Variants in OLFM1 observed in about 807,000 individuals in gnomAD.
OLFM1 encodes noelin.
Under a neutral mutation model 49.7 loss-of-function variants are expected in OLFM1, and 9 were observed. That is an observed-to-expected ratio of 0.18 (90% CI 0.11 to 0.32). The LOEUF (loss-of-function observed/expected upper bound fraction) is 0.32, where lower values mean the gene tolerates loss of function less well. Ranked by LOEUF, OLFM1 falls within the 10% of genes least tolerant of loss-of-function variation. The pLI is 1.00. For synonymous variants in OLFM1, 240 were observed against 271.8 expected (o/e 0.88, Z 1.15); for missense variants, 369 against 661.8 (o/e 0.56, Z 4.85).
At chr9:135,081,986 C>T (rs1830539042) in intron 1 of OLFM1, among the ~76,000 whole-genome samples, 2 of 152,222 alleles carry the variant, frequency 1.3e-5, no homozygotes, top group South Asian at 4.1e-4. Context: ...TGTGGCTGCT[C>T]ACCTGGAGAA....
chr9:135,091,444 T>G (rs1240825582), intron 2 of OLFM1, among the ~76,000 whole-genome samples: 1 of 141,380 alleles, frequency 7.1e-6, no homozygotes, highest in Non-Finnish European at 1.5e-5. Flanking sequence ...CACTCACACA[T>G]AGTCACACAC....
intron 1 of OLFM1, among the ~76,000 whole-genome samples, chr9:135,078,051 C>T (rs769096348): frequency 6.6e-6 from 1 of 152,142 alleles, no homozygotes; most frequent in East Asian, 1.9e-4. Flanking sequence ...GGGGGCAGGA[C>T]CAGCCTGCTC....
upstream of OLFM1, chr9:135,087,552 G>A (rs529784951): frequency 2.5e-6 from 3 of 1,195,916 alleles, no homozygotes; most frequent in Non-Finnish European, 3.3e-6. Flanking sequence ...CCAGGGGGCG[G>A]CGGGGAGCCG....
chr9:135,120,523 A>G lies in OLFM1; in HGVS notation c.*345A>G, dbSNP rs1831172656. 1 of 292,176 alleles carries G rather than the reference A, an allele frequency of 3.4e-6. No individual in the cohort carries two copies. Among genetic ancestry groups the G allele is most frequent in the East Asian group, 8.1e-5 (1 of 12,338 alleles). 18.1% of individuals were successfully genotyped at this position (292,176 alleles called of 1,614,324 possible). A position where few individuals can be genotyped will look rare whatever the true frequency, so the allele number is the denominator to read the frequency against. On this transcript the variant is annotated 3_prime_UTR_variant, in exon 6 of 6. Transcript: ENST00000371793. Reference sequence around the variant, plus strand: ...GGGAAAAACCCACTGTTAGGATGGCATGAACATTTCCTTAGATCGTGGTCA... The same window carrying G: ...GGGAAAAACCCACTGTTAGGATGGCGTGAACATTTCCTTAGATCGTGGTCA...
At position 135,080,097 on chromosome 9, in the gene OLFM1, T is replaced by G. The variant is rs1830513758; in HGVS notation, c.96+4295T>G. On this transcript the variant is annotated intron_variant, in intron 1 of 5. Transcript: ENST00000252854. This position sits in a 1 kb window ranked among gnomAD's most constrained non-coding sequence, Gnocchi z 4.5. ...CCAGTGAGGCCCATCCCTCTGAATC[T>G]GTTCCTCATCCCCCCATTTAGCTCA... 6.8e-6 allele frequency among the ~76,000 whole-genome samples: 1 copy of G among 147,532 alleles called. No individual in the cohort carries two copies. The highest frequency in any genetic ancestry group is 1.5e-5 in the Non-Finnish European group (1 of 67,008).
At position 135,093,692 on chromosome 9, in the gene OLFM1, G is replaced by T. The variant is rs568940977; in HGVS notation, c.301-2172G>T. ...CCTGAGCCTGCCAGTTGGCTCCTCA[G>T]AGACACATCCTGCAGGCAAGAAAAT... On this transcript the variant is annotated intron_variant, in intron 2 of 5. Coordinates refer to ENST00000371793, the MANE Select transcript of OLFM1 (RefSeq NM_001282611.2). 2.0e-5 allele frequency among the ~76,000 whole-genome samples: 3 copies of T among 152,276 alleles called. No homozygotes were observed. The East Asian group carries it at 5.8e-4, about 29-fold the overall frequency.
At chr9:135,077,150 GCACACACACA>G in intron 1 of OLFM1, 1 of 1,509,072 alleles carries the variant, frequency 6.6e-7, no homozygotes, top group Non-Finnish European at 8.9e-7. Flanking sequence ...TCATTCATGT[GCACACACACA>G]CACACACATG....
chr9:135,119,558 A>G lies in OLFM1; in HGVS notation c.838A>G (p.Met280Val), dbSNP rs1228215031. The G allele has an allele frequency of 6.2e-7, 1 of 1,614,070 alleles. No homozygotes were observed. Among genetic ancestry groups the G allele is most frequent in the Non-Finnish European group, 8.5e-7 (1 of 1,180,002 alleles). The change falls in exon 6 of 6, where the codon ATG becomes GTG. Residue 280 changes from methionine (M) to valine (V), a missense_variant. Physicochemically the swap from Met to Val is conservative, Grantham distance 21. This residue lies in a region of OLFM1 where 294 missense variants were observed against 567.5 expected (regional missense o/e 0.52). Coordinates refer to ENST00000371793, the MANE Select transcript of OLFM1 (RefSeq NM_001282611.2). ...NNRFVREYKS[M>V]VDFMNTDNFT... The stretch of plus-strand genomic sequence containing the variant: ...CCGCTTCGTACGTGAGTACAAGTCC[A>G]TGGTTGACTTCATGAACACGGACAA...
Position 135,120,421 on chromosome 9 carries a change from T to G in OLFM1, c.*243T>G. On this transcript the variant is annotated 3_prime_UTR_variant, in exon 6 of 6. Transcript: ENST00000371793. Reference sequence around the variant, plus strand: ...ACTGCAGCCCACGGCGCCCCGGTTTTCCTCCCCGCCCTGTCCCTCTCTGGT... The same window carrying G: ...ACTGCAGCCCACGGCGCCCCGGTTTGCCTCCCCGCCCTGTCCCTCTCTGGT... 1 of 557,644 alleles carries G rather than the reference T, an allele frequency of 1.8e-6. No homozygotes were observed. Among genetic ancestry groups the G allele is most frequent in the South Asian group, 2.2e-5 (1 of 46,052 alleles). 34.5% of individuals were successfully genotyped at this position (557,644 alleles called of 1,614,324 possible).
chr9:135,077,001 A>G, intron 1 of OLFM1: 1 of 1,550,542 alleles, frequency 6.4e-7, no homozygotes, highest in Non-Finnish European at 8.7e-7. Flanking sequence ...TTACCCTCAG[A>G]GCCCTTCTCC....
intron 4 of OLFM1, among the ~76,000 whole-genome samples, chr9:135,104,689 AG>A (rs751541526): frequency 2.8e-4 from 43 of 152,238 alleles, no homozygotes; most frequent in Non-Finnish European, 5.4e-4. Flanking sequence ...AGGGCTGGAG[AG>A]GGGCTGTGAA....
chr9:135,094,337 G>A (rs1283086205), intron 2 of OLFM1, among the ~76,000 whole-genome samples: 5 of 152,242 alleles, frequency 3.3e-5, no homozygotes, highest in African/African-American at 1.2e-4. Flanking sequence ...AAGTGACGTT[G>A]TTGTTTCCAA....
chr9:135,111,932 A>T (rs750320293), intron 5 of OLFM1, among the ~76,000 whole-genome samples: 1 of 151,924 alleles, frequency 6.6e-6, no homozygotes, highest in Non-Finnish European at 1.5e-5. Context: ...GGCCAGGATG[A>T]TCTCCATCTC....
At chr9:135,087,078 C>T (rs897479560), upstream of OLFM1, among the ~76,000 whole-genome samples, 49 of 152,334 alleles carry the variant, frequency 3.2e-4, no homozygotes, top group African/African-American at 1.1e-3. Context: ...CGGTTGGCTC[C>T]CTTCCTCCCA....
At position 135,107,525 on chromosome 9, in the gene OLFM1, C is replaced by T. The variant is rs145689988; in HGVS notation, c.783+670C>T. Reference sequence around the variant, plus strand: ...ACTGATGGTGAGGCCCGGCCTCGCTCGGCCCCTGGGCCCCAGACCCCTGTA... The same window carrying T: ...ACTGATGGTGAGGCCCGGCCTCGCTTGGCCCCTGGGCCCCAGACCCCTGTA... On this transcript the variant is annotated intron_variant, in intron 5 of 5. Transcript: ENST00000371793. Among the ~76,000 whole-genome samples, 753 of 152,148 alleles carry T rather than the reference C, an allele frequency of 4.9e-3. 4 individuals carry two copies. The highest frequency in any genetic ancestry group is 0.013 in the African/African-American group (558 of 41,510).
chr9:135,112,563 C>G (rs1831037711), intron 5 of OLFM1, among the ~76,000 whole-genome samples: 1 of 152,106 alleles, frequency 6.6e-6, no homozygotes, highest in Non-Finnish European at 1.5e-5. Context: ...GTAGCCAAGA[C>G]CTGGGGCAGG....
intron 5 of OLFM1, among the ~76,000 whole-genome samples, chr9:135,109,831 G>A (rs1830998082): frequency 6.6e-6 from 1 of 152,278 alleles, no homozygotes; most frequent in Admixed American, 6.5e-5. Context: ...CTGCCTAGTA[G>A]AGAGCCCGGC....
intron 1 of OLFM1, among the ~76,000 whole-genome samples, chr9:135,082,414 A>G (rs1258579559): frequency 6.6e-6 from 1 of 152,180 alleles, no homozygotes; most frequent in African/African-American, 2.4e-5. Context: ...GTGGTGCTGA[A>G]AAGAAAGTCT....
chr9:135,115,758 G>C (rs139335741), intron 5 of OLFM1, among the ~76,000 whole-genome samples: 1 of 152,216 alleles, frequency 6.6e-6, no homozygotes, highest in Non-Finnish European at 1.5e-5. Context: ...TCTTGACTCT[G>C]ACCACTGGAA....
Sources: allele counts gnomAD v4.1 joint callset (sites outside exome capture counted in the v4.1 genomes callset), GRCh38; gene constraint gnomAD v4.1.1; regional missense constraint gnomAD v4.1.1; non-coding constraint Gnocchi (gnomAD v3.1); transcripts MANE v1.5; gene names NCBI Gene and HGNC (gene_info 2026-07-23, HGNC 2026-07-21).